ELMO1: variants seen among roughly 807,000 people sequenced by gnomAD.
The protein encoded by ELMO1 is engulfment and cell motility 1.
ELMO1 carries 26 observed loss-of-function variants against 98.9 expected under a neutral mutation model. The ratio of observed to expected loss-of-function variants is 0.26; its 90% CI spans 0.19 to 0.36. The LOEUF is 0.36. ELMO1 is among the 10% of genes least tolerant of loss of function. ELMO1 has a pLI of 1.00. For synonymous variants in ELMO1, 346 were observed against 346.0 expected (o/e 1.00, Z 0.00); for missense variants, 627 against 935.2 (o/e 0.67, Z 4.30).
In ELMO1 at chr7:37,341,634, G is replaced by T. The variant is rs144522490; in HGVS notation, c.78+979C>A. On this transcript the variant is annotated intron_variant, in intron 2 of 21. Transcript: ENST00000310758. ...GCTGACCCGTATAATTCATTTTAAT[G>T]ATTCCTTTGGATTCGCACAATTCCA... Among the ~76,000 whole-genome samples, 15 of 152,256 alleles carry T rather than the reference G, an allele frequency of 9.9e-5. No homozygotes were observed. In the East Asian group the frequency reaches 2.9e-3, roughly 29 times the overall value.
chr7:37,101,095 A>G (rs916434118), intron 14 of ELMO1, among the ~76,000 whole-genome samples: 1 of 152,234 alleles, frequency 6.6e-6, no homozygotes, highest in African/African-American at 2.4e-5. Context: ...CAGCAGCTAA[A>G]CCAAAATCAT....
chr7:37,328,834 ACC>A (rs1799955835), intron 2 of ELMO1, among the ~76,000 whole-genome samples: 1 of 152,144 alleles, frequency 6.6e-6, no homozygotes, highest in Admixed American at 6.5e-5. Context: ...GACCATTTCA[ACC>A]TGAATGCATA....
chr7:36,898,782 T>C (rs1157195868), intron 16 of ELMO1, among the ~76,000 whole-genome samples: 2 of 152,208 alleles, frequency 1.3e-5, no homozygotes, highest in Non-Finnish European at 2.9e-5. Context: ...TGTGAGCACC[T>C]ACTCAGTGCA....
intron 4 of ELMO1, among the ~76,000 whole-genome samples, chr7:37,305,454 G>GTGTC (rs1798564087): frequency 1.1e-5 from 1 of 88,350 alleles, no homozygotes; most frequent in African/African-American, 3.5e-5. Flanking sequence ...TAGTGTGTGT[G>GTGTC]TGTGTGTGTG....
intron 15 of ELMO1, among the ~76,000 whole-genome samples, chr7:37,078,410 C>T (rs543111130): frequency 3.3e-5 from 5 of 152,298 alleles, no homozygotes; most frequent in Non-Finnish European, 7.4e-5. Flanking sequence ...AAGTCTCTCT[C>T]ATGTCTATAT....
chr7:37,005,379 C>T (rs1242353979), intron 16 of ELMO1, among the ~76,000 whole-genome samples: 1 of 151,824 alleles, frequency 6.6e-6, no homozygotes, highest in Non-Finnish European at 1.5e-5. Flanking sequence ...GAGACCACCA[C>T]GGCAGCACAC....
At chr7:37,168,237 C>T (rs1391772115) in intron 13 of ELMO1, among the ~76,000 whole-genome samples, 6 of 152,118 alleles carry the variant, frequency 3.9e-5, no homozygotes, top group Non-Finnish European at 7.4e-5. Context: ...GTTATACATT[C>T]GTCTAAATTT....
At chr7:37,376,674 C>G (rs1401581340) in intron 1 of ELMO1, among the ~76,000 whole-genome samples, 2 of 152,130 alleles carry the variant, frequency 1.3e-5, no homozygotes, top group African/African-American at 2.4e-5. Context: ...CATTCCCTAG[C>G]CTCTTGACCA....
chr7:37,074,981 G>A (rs938149745), intron 15 of ELMO1, among the ~76,000 whole-genome samples: 2 of 152,024 alleles, frequency 1.3e-5, no homozygotes, highest in African/African-American at 4.8e-5. Flanking sequence ...CTTATTAGTC[G>A]GAACCCTGAA....
rs537231200 is a variant in ELMO1 at position 37,307,941 on chromosome 7, C to T, written c.192+6909G>A. ...CAGCCTGGCCAACATGGTGAAACCC[C>T]ATCTCTACTAAAAATACAAAAATTA... On this transcript the variant is annotated intron_variant, in intron 4 of 21. Coordinates refer to ENST00000310758, the MANE Select transcript of ELMO1 (RefSeq NM_014800.11). 2.6e-5 allele frequency among the ~76,000 whole-genome samples: 4 copies of T among 152,126 alleles called. No individual in the cohort carries two copies. The East Asian group carries it at 7.8e-4, about 29-fold the overall frequency.
In ELMO1 at chr7:37,315,797, A is replaced by G. The variant is rs1799122472; in HGVS notation, c.119+123T>C. 6 of 855,608 alleles carry G rather than the reference A, an allele frequency of 7.0e-6. No homozygotes were observed. The East Asian group carries it at 1.5e-4, about 22-fold the overall frequency. The allele number at this position is 855,608 out of a possible 1,614,324, so 53.0% of individuals were successfully genotyped here. A position where few individuals can be genotyped will look rare whatever the true frequency, so the allele number is the denominator to read the frequency against. On this transcript the variant is annotated intron_variant, in intron 3 of 21. Coordinates refer to ENST00000310758, the MANE Select transcript of ELMO1 (RefSeq NM_014800.11). ...GTGATATTCCTACACAGTAATTCTT[A>G]TTGACTTTGAGCAAGTCAGTGGGTG...
intron 14 of ELMO1, among the ~76,000 whole-genome samples, chr7:37,120,436 G>T (rs542160309): frequency 1.3e-5 from 2 of 152,182 alleles, no homozygotes. Context: ...CTAATACTGC[G>T]CTTTTCTGAC....
chr7:37,022,524 C>A (rs577557488), intron 15 of ELMO1, among the ~76,000 whole-genome samples: 38 of 152,242 alleles, frequency 2.5e-4, no homozygotes, highest in African/African-American at 9.1e-4. Context: ...CTTTAAACAA[C>A]AATGAGCTAC....
chr7:36,922,436 C>T (rs1427271125), intron 16 of ELMO1, among the ~76,000 whole-genome samples: 1 of 140,932 alleles, frequency 7.1e-6, no homozygotes, highest in Non-Finnish European at 1.5e-5. Flanking sequence ...TTTATTTATT[C>T]TTGGCTTTTG....
intron 16 of ELMO1, among the ~76,000 whole-genome samples, chr7:36,974,087 C>T (rs1790266559): frequency 6.6e-6 from 1 of 152,264 alleles, no homozygotes; most frequent in Non-Finnish European, 1.5e-5. Flanking sequence ...TTCCACTGCG[C>T]CCAGTCCCAT....
At chr7:37,352,749 C>A (rs990403453) in intron 1 of ELMO1, among the ~76,000 whole-genome samples, 5 of 152,194 alleles carry the variant, frequency 3.3e-5, no homozygotes, top group Admixed American at 2.6e-4. Context: ...GTAACTCTTT[C>A]CAATTCAGAG....
chr7:37,149,520 T>C (rs1389287351), intron 13 of ELMO1, among the ~76,000 whole-genome samples: 1 of 152,178 alleles, frequency 6.6e-6, no homozygotes, highest in African/African-American at 2.4e-5. Flanking sequence ...GATGTGAAAA[T>C]GACATGAAAT....
intron 4 of ELMO1, among the ~76,000 whole-genome samples, chr7:37,279,137 G>A (rs1797007902): frequency 6.6e-6 from 1 of 152,162 alleles, no homozygotes; most frequent in Admixed American, 6.5e-5. Context: ...GGAAGGTGGA[G>A]GTTGCAGTGA....
intron 16 of ELMO1, among the ~76,000 whole-genome samples, chr7:36,951,762 G>A (rs1787985198): frequency 6.6e-6 from 1 of 152,166 alleles, no homozygotes; most frequent in Non-Finnish European, 1.5e-5. Flanking sequence ...TTACGCTTGA[G>A]ACCACGTTGC....
Sources: gnomAD v4.1 joint callset for allele counts (sites outside exome capture counted in the v4.1 genomes callset) on GRCh38, gnomAD v4.1.1 for gene constraint, MANE v1.5 for transcripts, NCBI Gene and HGNC (gene_info 2026-07-23, HGNC 2026-07-21) for gene names.